Variants in FSTL5 observed in about 807,000 individuals in gnomAD.
FSTL5 encodes follistatin-related protein 5.
A neutral mutation model predicts 89.1 loss-of-function variants in FSTL5; 62 were observed. That is an observed-to-expected ratio of 0.70 (90% confidence interval 0.57 to 0.86). The LOEUF (loss-of-function observed/expected upper bound fraction) is 0.86. Among genes scored for constraint, FSTL5 ranks in the 40% least tolerant of loss-of-function variants. The pLI is 0.00. For synonymous variants in FSTL5, 383 were observed against 346.2 expected (o/e 1.11, Z -1.18); for missense variants, 1,057 against 1,001.6 (o/e 1.06, Z -0.75).
intron 3 of FSTL5, among the ~76,000 whole-genome samples, chr4:161,975,104 CA>C (rs1735595491): frequency 7.2e-6 from 1 of 138,736 alleles, no homozygotes; most frequent in Non-Finnish European, 1.5e-5. Context: ...CAGGAAACAA[CA>C]GGGGCTGGAG....
At chr4:161,721,217 G>C (rs1265243632) in intron 6 of FSTL5, among the ~76,000 whole-genome samples, 1 of 148,266 alleles carries the variant, frequency 6.7e-6, no homozygotes, top group Non-Finnish European at 1.5e-5. Flanking sequence ...AGCGGAGCTT[G>C]CAGTGAGCCG....
Position 161,399,545 on chromosome 4 carries a change from A to T in FSTL5, c.1842-13096T>A, listed in dbSNP as rs550195368. Among the ~76,000 whole-genome samples, 17 of 151,888 alleles carry T rather than the reference A, an allele frequency of 1.1e-4. No individual in the cohort carries two copies. The South Asian group carries it at 3.1e-3, about 28-fold the overall frequency. ...TGTAGACCTCCATCTATGGTACATT[A>T]TCGAGCCAACCAACTTTTTTTTTCA... On this transcript the variant is annotated intron_variant, in intron 15 of 15. Transcript: ENST00000306100.
At position 161,459,128 on chromosome 4, in the gene FSTL5, A is replaced by T. The variant is rs978286126; in HGVS notation, c.1716+84T>A. 4.7e-5 allele frequency: 43 copies of T among 922,478 alleles called. No homozygotes were observed. In the South Asian group the frequency reaches 6.6e-4, roughly 14 times the overall value. 57.1% of individuals were successfully genotyped at this position (922,478 alleles called of 1,614,324 possible). A position where few individuals can be genotyped will look rare whatever the true frequency, so the allele number is the denominator to read the frequency against. ...TGTAGTCCTCAGATGGAAAAATATC[A>T]TGGTTAAATGATCACAAATATCCAA... On this transcript the variant is annotated intron_variant, in intron 14 of 15. Transcript: ENST00000306100.
intron 4 of FSTL5, among the ~76,000 whole-genome samples, chr4:161,851,159 A>G (rs1731537003): frequency 6.6e-6 from 1 of 152,200 alleles, no homozygotes; most frequent in Admixed American, 6.5e-5. Flanking sequence ...ATTACACATG[A>G]CAAAGTTTAG....
chr4:161,422,653 C>G (rs1195370080), intron 15 of FSTL5, among the ~76,000 whole-genome samples: 1 of 152,166 alleles, frequency 6.6e-6, no homozygotes, highest in Non-Finnish European at 1.5e-5. Context: ...TTCTAGCAGA[C>G]TGTGTGCAGC....
intron 6 of FSTL5, among the ~76,000 whole-genome samples, chr4:161,679,352 T>G (rs1737438570): frequency 6.6e-6 from 1 of 151,798 alleles, no homozygotes; most frequent in Non-Finnish European, 1.5e-5. Context: ...TTTTGACTTA[T>G]TTAATAATCA....
At chr4:162,128,304 G>C (rs1478795989) in intron 1 of FSTL5, among the ~76,000 whole-genome samples, 2 of 152,192 alleles carry the variant, frequency 1.3e-5, no homozygotes, top group East Asian at 3.9e-4. Flanking sequence ...GCTGTGGTCT[G>C]AATGTTTCTG....
intron 4 of FSTL5, among the ~76,000 whole-genome samples, chr4:161,803,957 T>C (rs1295249184): frequency 4.6e-5 from 7 of 151,972 alleles, no homozygotes; most frequent in Admixed American, 2.6e-4. Flanking sequence ...CTCATTCAGG[T>C]TGTTAGCCAA....
chr4:161,824,568 G>T (rs1204744280), intron 4 of FSTL5, among the ~76,000 whole-genome samples: 1 of 152,260 alleles, frequency 6.6e-6, no homozygotes, highest in South Asian at 2.1e-4. Context: ...CCATACATGA[G>T]CATGGGATAT....
At chr4:161,701,673 G>A (rs1738396382) in intron 6 of FSTL5, among the ~76,000 whole-genome samples, 1 of 152,000 alleles carries the variant, frequency 6.6e-6, no homozygotes, top group African/African-American at 2.4e-5. Flanking sequence ...AATGTTCTAA[G>A]CAAATGCTCC....
At chr4:161,484,893 T>C (rs777483116) in intron 12 of FSTL5, among the ~76,000 whole-genome samples, 1 of 152,164 alleles carries the variant, frequency 6.6e-6, no homozygotes, top group Non-Finnish European at 1.5e-5. Flanking sequence ...AAGGCAGAGA[T>C]TGGCAAATAA....
In FSTL5 at chr4:162,111,223, G is replaced by GT. The variant is rs760448081; in HGVS notation, c.126+47dup. 349 of 1,449,480 alleles carry GT rather than the reference G, an allele frequency of 2.4e-4. 6 individuals carry two copies. In the East Asian group the frequency reaches 6.4e-3, roughly 27 times the overall value. 89.8% of individuals were successfully genotyped at this position (1,449,480 alleles called of 1,614,324 possible). A position where few individuals can be genotyped will look rare whatever the true frequency, so the allele number is the denominator to read the frequency against. On this transcript the variant is annotated intron_variant, in intron 2 of 15. Transcript: ENST00000306100. The stretch of plus-strand genomic sequence containing the variant: ...AATAAACCAGAAAACTAATAGCTTA[G>GT]TTTATAATTGGCAGGCACTATGAGC...
Position 162,067,282 on chromosome 4 carries a change from G to A in FSTL5, c.127-33624C>T, listed in dbSNP as rs112061499. ...TGCTCAGGCTGTTCTCAGAGTCCTG[G>A]GCTCAAGTGATCTGCCTGCCTTGGC... is the stretch of plus-strand genomic sequence containing the variant. On this transcript the variant is annotated intron_variant, in intron 2 of 15. Coordinates refer to ENST00000306100, the MANE Select transcript of FSTL5 (RefSeq NM_020116.5). 5.8e-3 allele frequency among the ~76,000 whole-genome samples: 876 copies of A among 152,104 alleles called. 7 individuals carry two copies. The highest frequency in any genetic ancestry group is 0.02 in the African/African-American group (847 of 41,526).
intron 4 of FSTL5, among the ~76,000 whole-genome samples, chr4:161,908,368 G>C (rs1733596280): frequency 6.6e-6 from 1 of 151,834 alleles, no homozygotes; most frequent in Non-Finnish European, 1.5e-5. Context: ...TATCTTTCTA[G>C]ATACATTACA....
At chr4:161,547,439 A>G (rs1732045453) in intron 8 of FSTL5, among the ~76,000 whole-genome samples, 1 of 151,952 alleles carries the variant, frequency 6.6e-6, no homozygotes, top group African/African-American at 2.4e-5. Flanking sequence ...TAAAATCCCC[A>G]GCTTCTTTTT....
intron 3 of FSTL5, among the ~76,000 whole-genome samples, chr4:161,931,193 G>A (rs1014276474): frequency 6.6e-6 from 1 of 151,900 alleles, no homozygotes; most frequent in South Asian, 2.1e-4. Context: ...TTAGGGAGAA[G>A]ATGATAATAG....
At chr4:161,658,548 C>CAT (rs1736599147) in intron 6 of FSTL5, among the ~76,000 whole-genome samples, 1 of 151,998 alleles carries the variant, frequency 6.6e-6, no homozygotes, top group African/African-American at 2.4e-5. Flanking sequence ...TTATATATCA[C>CAT]ATATGTGTAC....
At chr4:161,981,052 G>A (rs766091216) in intron 3 of FSTL5, among the ~76,000 whole-genome samples, 7 of 151,962 alleles carry the variant, frequency 4.6e-5, no homozygotes, top group East Asian at 1.9e-4. Context: ...GAGCCACTGC[G>A]CCCAGCCACT....
chr4:161,441,775 G>A (rs1732770878), intron 15 of FSTL5, among the ~76,000 whole-genome samples: 1 of 152,018 alleles, frequency 6.6e-6, no homozygotes, highest in South Asian at 2.1e-4. Context: ...GAAATAAAAT[G>A]TTTCCCTTTG....
Sources: gnomAD v4.1 joint callset for allele counts (sites outside exome capture counted in the v4.1 genomes callset) on GRCh38, gnomAD v4.1.1 for gene constraint, MANE v1.5 for transcripts, NCBI Gene and HGNC (gene_info 2026-07-23, HGNC 2026-07-21) for gene names.